SLC44A1: variants seen among roughly 807,000 people sequenced by gnomAD.
SLC44A1 encodes the protein choline transporter-like protein 1.
In SLC44A1, 26 loss-of-function variants were observed where a neutral mutation model predicts 79.3. The ratio of observed to expected loss-of-function variants is 0.33; its 90% CI spans 0.24 to 0.46. The LOEUF (loss-of-function observed/expected upper bound fraction) is 0.46, where lower values mean the gene tolerates loss of function less well. SLC44A1 is among the 20% of genes least tolerant of loss of function. The pLI is 1.00. For missense variants in SLC44A1, 688 were observed against 798.1 expected, an observed-to-expected ratio of 0.86 and a Z score of 1.66; for synonymous variants, 263 against 286.2, an observed-to-expected ratio of 0.92 and a Z score of 0.82.
rs540610259 is a variant in SLC44A1, at chr9:105,391,335, G to A, written c.*2279G>A. 1.0e-6 allele frequency: 1 copy of A among 985,350 alleles called. No homozygotes were observed. The highest frequency in any genetic ancestry group is 4.7e-5 in the South Asian group (1 of 21,262). The allele number at this position is 985,350 out of a possible 1,614,324, so 61.0% of individuals were successfully genotyped here. ...AATCAGAAAGAAATTTTGTATTTTT[G>A]TATAACTTGATTGTGTGCCATTTTA... On this transcript the variant is annotated 3_prime_UTR_variant, in exon 16 of 16. Coordinates refer to ENST00000374720, the MANE Select transcript of SLC44A1 (RefSeq NM_080546.5).
intron 15 of SLC44A1, among the ~76,000 whole-genome samples, chr9:105,421,582 CTTTTTT>C (rs1056443918): frequency 1.3e-4 from 17 of 130,190 alleles, no homozygotes; most frequent in Non-Finnish European, 2.6e-4. Flanking sequence ...TCAGAAATCT[CTTTTTT>C]TTTTTTTTTT....
rs111378885 is a variant in SLC44A1 at position 105,431,130 on chromosome 9, G to T, written c.1951-7151G>T. Among the ~76,000 whole-genome samples the T allele has an allele frequency of 7.0e-3, 1,058 of 152,202 alleles. 13 individuals carry two copies. The highest frequency in any genetic ancestry group is 0.023 in the African/African-American group (968 of 41,508). Reference sequence around the variant, plus strand: ...ACCCAGAAATCATTGTTTAATCCAAGGTCATACATATTTAGCCTTAAGTTT... The same window carrying T: ...ACCCAGAAATCATTGTTTAATCCAATGTCATACATATTTAGCCTTAAGTTT... On this transcript the variant is annotated intron_variant, in intron 15 of 15. Coordinates refer to the SLC44A1 transcript ENST00000374724.
intron 1 of SLC44A1, among the ~76,000 whole-genome samples, chr9:105,268,189 C>A (rs777725637): frequency 1.3e-5 from 2 of 152,164 alleles, no homozygotes; most frequent in Non-Finnish European, 2.9e-5. Flanking sequence ...ATGAATCCTT[C>A]ATTTTTAGCC....
intron 5 of SLC44A1, among the ~76,000 whole-genome samples, chr9:105,354,576 G>A (rs531004229): frequency 2.0e-5 from 3 of 152,216 alleles, no homozygotes; most frequent in South Asian, 4.2e-4. Context: ...CATTTTGGAG[G>A]TTGACACAAA....
chr9:105,382,503 A>G (rs186168603), intron 13 of SLC44A1, among the ~76,000 whole-genome samples: 1 of 152,334 alleles, frequency 6.6e-6, no homozygotes, highest in Non-Finnish European at 1.5e-5. Context: ...TACGAAACAC[A>G]GAAAAAGTTC....
At chr9:105,244,937 G>A (rs1447391987) in intron 1 of SLC44A1, 33 bp downstream of exon 1, 9 of 1,141,910 alleles carry the variant, frequency 7.9e-6, no homozygotes, top group African/African-American at 1.6e-5. Context: ...CCGCCCGCCC[G>A]GATGCCTCCC....
At chr9:105,354,240 C>T (rs932689119) in intron 5 of SLC44A1, among the ~76,000 whole-genome samples, 3 of 150,482 alleles carry the variant, frequency 2.0e-5, no homozygotes, top group Non-Finnish European at 3.0e-5. Flanking sequence ...TTAGTAGAGA[C>T]GGGGTTTCAC....
chr9:105,299,586 A>G (rs1294803070), intron 2 of SLC44A1, among the ~76,000 whole-genome samples: 4 of 152,244 alleles, frequency 2.6e-5, no homozygotes, highest in Non-Finnish European at 5.9e-5. Context: ...AACAGTGACC[A>G]TGAGTCATGA....
At chr9:105,281,899 A>G (rs1392783918) in intron 1 of SLC44A1, among the ~76,000 whole-genome samples, 1 of 152,218 alleles carries the variant, frequency 6.6e-6, no homozygotes, top group Non-Finnish European at 1.5e-5. Context: ...TGTGACTGAG[A>G]ATCATTACTT....
intron 1 of SLC44A1, among the ~76,000 whole-genome samples, chr9:105,247,815 G>C (rs1427583677): frequency 2.0e-5 from 3 of 152,204 alleles, no homozygotes; most frequent in Admixed American, 1.3e-4. Context: ...CATCGAATGT[G>C]AATCTAGACC....
At chr9:105,250,585 T>G (rs1829560795) in intron 1 of SLC44A1, among the ~76,000 whole-genome samples, 1 of 152,230 alleles carries the variant, frequency 6.6e-6, no homozygotes, top group Non-Finnish European at 1.5e-5. Context: ...ACTATCACTT[T>G]TCTGTTGATC....
intron 15 of SLC44A1, among the ~76,000 whole-genome samples, chr9:105,415,341 A>G (rs916600988): frequency 8.5e-5 from 13 of 152,356 alleles, no homozygotes; most frequent in Middle Eastern, 3.4e-3. Flanking sequence ...TCTCACTTCT[A>G]CCTGCTGAAT....
At chr9:105,386,914 C>T (rs1466337580) in intron 15 of SLC44A1, among the ~76,000 whole-genome samples, 1 of 145,950 alleles carries the variant, frequency 6.9e-6, no homozygotes, top group African/African-American at 2.5e-5. Flanking sequence ...CGGCGTGTGC[C>T]TATAATCCGA....
intron 15 of SLC44A1, among the ~76,000 whole-genome samples, chr9:105,437,467 A>ACT (rs200241282): frequency 6.6e-6 from 1 of 150,408 alleles, no homozygotes; most frequent in Admixed American, 6.6e-5. Context: ...TTAGGTCCAT[A>ACT]CTCTCTCTCT....
chr9:105,412,758 C>T (rs770140227), intron 15 of SLC44A1, among the ~76,000 whole-genome samples: 6 of 152,054 alleles, frequency 3.9e-5, no homozygotes, highest in African/African-American at 1.2e-4. Flanking sequence ...CCTGCCACCA[C>T]GCCCGGCTAA....
intron 7 of SLC44A1, among the ~76,000 whole-genome samples, chr9:105,360,935 A>G (rs1243070223): frequency 2.0e-5 from 3 of 152,210 alleles, no homozygotes; most frequent in Admixed American, 2.0e-4. Flanking sequence ...TTCATAGTCA[A>G]TAATAAATAC....
At chr9:105,318,026 A>G (rs1448736886) in intron 3 of SLC44A1, among the ~76,000 whole-genome samples, 1 of 152,140 alleles carries the variant, frequency 6.6e-6, no homozygotes, top group Non-Finnish European at 1.5e-5. Context: ...TGTCACTCCC[A>G]CTTTAGCATA....
At chr9:105,251,335 C>T (rs1370492880) in intron 1 of SLC44A1, among the ~76,000 whole-genome samples, 2 of 152,180 alleles carry the variant, frequency 1.3e-5, no homozygotes, top group African/African-American at 4.8e-5. Flanking sequence ...CACATCTTGC[C>T]TCTTTGACCT....
chr9:105,386,031 A>G (rs916837796), intron 15 of SLC44A1: 11 of 985,046 alleles, frequency 1.1e-5, no homozygotes, highest in Middle Eastern at 5.2e-4. Flanking sequence ...TTCTTAAGCT[A>G]TTTTTCAGTA....
Sources: allele counts gnomAD v4.1 joint callset (sites outside exome capture counted in the v4.1 genomes callset), GRCh38; gene constraint gnomAD v4.1.1; transcripts MANE v1.5; gene names NCBI Gene and HGNC (gene_info 2026-07-23, HGNC 2026-07-21).